GHR: variants seen among roughly 807,000 people sequenced by gnomAD.
GHR encodes GH receptor.
A neutral mutation model predicts 67.1 loss-of-function variants in GHR; 35 were observed. The ratio of observed to expected loss-of-function variants is 0.52; its 90% CI spans 0.40 to 0.69. GHR has a LOEUF of 0.69. GHR is among the 30% of genes least tolerant of loss of function. The probability of loss-of-function intolerance (pLI) is 0.00; values close to 1 mark genes in which losing one functional copy is unlikely to be tolerated. For synonymous variants in GHR, 272 were observed against 269.1 expected, an observed-to-expected ratio of 1.01 and a Z score of -0.10; for missense variants, 792 against 764.6, an observed-to-expected ratio of 1.04 and a Z score of -0.42.
intron 2 of GHR, among the ~76,000 whole-genome samples, chr5:42,582,870 C>G (rs1361257844): frequency 6.6e-6 from 1 of 152,240 alleles, no homozygotes; most frequent in Non-Finnish European, 1.5e-5. Flanking sequence ...GTGCCTGGAG[C>G]TGCTCACCCC....
At chr5:42,475,805 G>GA (rs1745279131) in intron 1 of GHR, among the ~76,000 whole-genome samples, 1 of 152,164 alleles carries the variant, frequency 6.6e-6, no homozygotes, top group African/African-American at 2.4e-5. Context: ...TTGACAGTGG[G>GA]AAAATGGAGC....
intron 6 of GHR, among the ~76,000 whole-genome samples, chr5:42,710,100 G>A (rs1758382598): frequency 6.6e-6 from 1 of 151,834 alleles, no homozygotes; most frequent in African/African-American, 2.4e-5. Flanking sequence ...TCAGTGTCCT[G>A]CCTTAAAGAA....
At chr5:42,637,781 T>C (rs998909338) in intron 3 of GHR, among the ~76,000 whole-genome samples, 1 of 152,200 alleles carries the variant, frequency 6.6e-6, no homozygotes, top group Non-Finnish European at 1.5e-5. Flanking sequence ...GCGTGTGTCC[T>C]TTTTGTAGAA....
At chr5:42,634,397 C>A (rs1754069827) in intron 3 of GHR, among the ~76,000 whole-genome samples, 1 of 142,674 alleles carries the variant, frequency 7.0e-6, no homozygotes, top group African/African-American at 2.9e-5. Flanking sequence ...GCTTTTTGCA[C>A]CCCCCCTTAA....
chr5:42,557,827 G>A (rs1031997046), intron 1 of GHR, among the ~76,000 whole-genome samples: 1 of 152,076 alleles, frequency 6.6e-6, no homozygotes, highest in African/African-American at 2.4e-5. Flanking sequence ...GAGTGTCCAG[G>A]GTTTACTCAA....
chr5:42,508,382 A>G (rs1746866622), intron 1 of GHR, among the ~76,000 whole-genome samples: 1 of 152,192 alleles, frequency 6.6e-6, no homozygotes, highest in Admixed American at 6.5e-5. Flanking sequence ...CATAAAAATG[A>G]CTTGTGATAT....
chr5:42,704,828 C>T (rs1367605705), intron 6 of GHR, among the ~76,000 whole-genome samples: 3 of 151,884 alleles, frequency 2.0e-5, no homozygotes, highest in East Asian at 3.9e-4. Context: ...CTCTTATGAA[C>T]ATTTGTATTT....
At chr5:42,535,951 T>C (rs1327536897) in intron 1 of GHR, among the ~76,000 whole-genome samples, 1 of 152,172 alleles carries the variant, frequency 6.6e-6, no homozygotes, top group Non-Finnish European at 1.5e-5. Flanking sequence ...AGTTCTTGAT[T>C]TGATTCTCTG....
chr5:42,438,115 T>G (rs1250167387), intron 1 of GHR, among the ~76,000 whole-genome samples: 1 of 152,214 alleles, frequency 6.6e-6, no homozygotes, highest in Non-Finnish European at 1.5e-5. Flanking sequence ...AAGCAATTAC[T>G]TCTGTGTAAG....
rs569836492 is a variant in GHR, at chr5:42,575,659, C to T, written c.70+9715C>T. 2.3e-3 allele frequency among the ~76,000 whole-genome samples: 350 copies of T among 151,580 alleles called. 1 individual carries two copies. The highest frequency in any genetic ancestry group is 8.1e-3 in the African/African-American group (336 of 41,320). ...CAAGTGCAGGTAAAGCTGGCTCCAG[C>T]AGCCTGAGGGCAGCCGACAGAGAGA... is the stretch of plus-strand genomic sequence containing the variant. On this transcript the variant is annotated intron_variant, in intron 2 of 9. Coordinates refer to ENST00000230882, the MANE Select transcript of GHR (RefSeq NM_000163.5).
chr5:42,523,271 G>A (rs75764654), intron 1 of GHR, among the ~76,000 whole-genome samples: 4,068 of 152,162 alleles, frequency 0.027, 192 homozygotes, highest in African/African-American at 0.092. Context: ...CCAGTAAGTC[G>A]TATACAGGTA....
At chr5:42,499,428 G>A (rs537884946) in intron 1 of GHR, among the ~76,000 whole-genome samples, 9 of 152,288 alleles carry the variant, frequency 5.9e-5, no homozygotes, top group African/African-American at 2.2e-4. Flanking sequence ...TGTGATATAA[G>A]AAGGGAAGAG....
At chr5:42,715,625 T>C (rs898876235) in intron 8 of GHR, among the ~76,000 whole-genome samples, 1 of 152,226 alleles carries the variant, frequency 6.6e-6, no homozygotes, top group Non-Finnish European at 1.5e-5. Context: ...TGAATCAGCC[T>C]AAAATAGAAT....
At chr5:42,650,355 A>C (rs1311058895) in intron 3 of GHR, among the ~76,000 whole-genome samples, 2 of 152,120 alleles carry the variant, frequency 1.3e-5, no homozygotes, top group Admixed American at 6.6e-5. Flanking sequence ...AGTACCAACC[A>C]GTTCTAGATA....
chr5:42,479,058 C>T (rs1316834788), intron 1 of GHR, among the ~76,000 whole-genome samples: 2 of 152,136 alleles, frequency 1.3e-5, no homozygotes, highest in African/African-American at 2.4e-5. Flanking sequence ...AGATATGTCC[C>T]ATCATTACCT....
chr5:42,451,702 C>CA (rs35883387), intron 1 of GHR, among the ~76,000 whole-genome samples: 52,277 of 122,776 alleles, frequency 0.43, 10,704 homozygotes, highest in Middle Eastern at 0.51. Context: ...AAGACTCTGT[C>CA]AAAAAAAAAA....
intron 1 of GHR, among the ~76,000 whole-genome samples, chr5:42,550,592 A>C (rs1179225290): frequency 1.3e-5 from 2 of 152,190 alleles, no homozygotes; most frequent in African/African-American, 4.8e-5. Flanking sequence ...GCAAAAGGGA[A>C]GCAGAACCAC....
intron 1 of GHR, among the ~76,000 whole-genome samples, chr5:42,561,861 A>C (rs1025183139): frequency 6.6e-6 from 1 of 152,212 alleles, no homozygotes; most frequent in Non-Finnish European, 1.5e-5. Context: ...CCAGTGGGCT[A>C]AGGTCCAATT....
intron 1 of GHR, among the ~76,000 whole-genome samples, chr5:42,463,972 G>A (rs1364833896): frequency 6.7e-5 from 8 of 119,228 alleles, no homozygotes; most frequent in Non-Finnish European, 9.7e-5. Context: ...CAGCCTGGGC[G>A]ACAGAGCGAG....
Sources: gnomAD v4.1 joint callset for allele counts (sites outside exome capture counted in the v4.1 genomes callset) on GRCh38, gnomAD v4.1.1 for gene constraint, MANE v1.5 for transcripts, NCBI Gene and HGNC (gene_info 2026-07-23, HGNC 2026-07-21) for gene names.